Variants in FRG1 observed in about 807,000 individuals in gnomAD.
The protein encoded by FRG1 is protein FRG1.
A neutral mutation model predicts 37.0 loss-of-function variants in FRG1; 19 were observed. The ratio of observed to expected loss-of-function variants is 0.51; its 90% CI spans 0.36 to 0.75. FRG1 has a LOEUF of 0.75. Among genes scored for constraint, FRG1 ranks in the 30% least tolerant of loss-of-function variants. The pLI, the probability that FRG1 is intolerant of heterozygous loss-of-function variation, is 0.00. For synonymous variants in FRG1, 73 were observed against 96.5 expected (o/e 0.76, Z 1.43); for missense variants, 243 against 301.4 (o/e 0.81, Z 1.44).
intron 2 of FRG1, among the ~76,000 whole-genome samples, chr4:189,950,807 T>G (rs1736720967): frequency 1.3e-5 from 2 of 152,160 alleles, no homozygotes; most frequent in South Asian, 4.1e-4. Context: ...CCACACACAT[T>G]TTTTCTTAGA....
intron 2 of FRG1, among the ~76,000 whole-genome samples, chr4:189,947,252 T>C (rs28429800): frequency 0.089 from 13,611 of 152,256 alleles, 1,933 homozygotes; most frequent in African/African-American, 0.3. Context: ...TTGATAGTTA[T>C]GTTAAAATCT....
At position 189,940,941 on chromosome 4, in the gene FRG1, G is replaced by T; in HGVS notation, c.-69G>T. 3 of 1,292,196 alleles carry T rather than the reference G, an allele frequency of 2.3e-6. No individual in the cohort carries two copies. The highest frequency in any genetic ancestry group is 3.3e-6 in the Non-Finnish European group (3 of 896,592). The allele number at this position is 1,292,196 out of a possible 1,614,324, so 80.0% of individuals were successfully genotyped here. A position where few individuals can be genotyped will look rare whatever the true frequency, so the allele number is the denominator to read the frequency against. ...TCCGCTTCTGTTTCTCCGCGCCCCT[G>T]TGCTGCCCCGACTCACATACTCGTC... On this transcript the variant is annotated 5_prime_UTR_variant, in exon 1 of 9. Transcript: ENST00000226798.
At chr4:189,952,057 AC>A (rs1429112236) in intron 2 of FRG1, 104 bp from the exon 3 acceptor site, 2 of 770,588 alleles carry the variant, frequency 2.6e-6, no homozygotes. Context: ...ATTATTTCTT[AC>A]AACTGCAAAA....
chr4:189,941,846 A>G (rs1349336804), intron 1 of FRG1: 2 of 442,564 alleles, frequency 4.5e-6, no homozygotes, highest in Admixed American at 2.5e-5. Flanking sequence ...TGCCCGAGGT[A>G]CATACAAATG....
Position 189,940,934 on chromosome 4 carries a change from C to A in FRG1, c.-76C>A, listed in dbSNP as rs903159987. ...TTTCGCGTCCGCTTCTGTTTCTCCG[C>A]GCCCCTGTGCTGCCCCGACTCACAT... On this transcript the variant is annotated 5_prime_UTR_variant, in exon 1 of 9. Coordinates refer to ENST00000226798, the MANE Select transcript of FRG1 (RefSeq NM_004477.3). The A allele has an allele frequency of 9.5e-6, 11 of 1,155,554 alleles. No homozygotes were observed. Among genetic ancestry groups the A allele is most frequent in the South Asian group, 3.9e-5 (3 of 77,394 alleles). The allele number at this position is 1,155,554 out of a possible 1,614,324, so 71.6% of individuals were successfully genotyped here. A position where few individuals can be genotyped will look rare whatever the true frequency, so the allele number is the denominator to read the frequency against.
At chr4:189,952,820 C>G (rs561243014) in intron 3 of FRG1, among the ~76,000 whole-genome samples, 12 of 152,312 alleles carry the variant, frequency 7.9e-5, no homozygotes, top group Admixed American at 7.2e-4. Context: ...TAAAGAGAAG[C>G]TATCTCAAAA....
intron 2 of FRG1, among the ~76,000 whole-genome samples, chr4:189,944,162 T>C (rs1364974760): frequency 6.6e-6 from 1 of 152,174 alleles, no homozygotes; most frequent in Non-Finnish European, 1.5e-5. Flanking sequence ...TTCAGTTTCT[T>C]AATGGTGGTT....
At chr4:189,951,465 G>A (rs1736748641) in intron 2 of FRG1, among the ~76,000 whole-genome samples, 2 of 149,454 alleles carry the variant, frequency 1.3e-5, no homozygotes, top group African/African-American at 5.0e-5. Flanking sequence ...ACTCCAGCCT[G>A]GGCGACAGAG....
chr4:189,945,332 C>A (rs1489386938), intron 2 of FRG1, among the ~76,000 whole-genome samples: 5 of 152,196 alleles, frequency 3.3e-5, no homozygotes, highest in Non-Finnish European at 7.4e-5. Flanking sequence ...GCATTGCTCT[C>A]AAGCTTAGGC....
At chr4:189,961,096 G>A (rs115155325) in intron 7 of FRG1, 18 of 385,398 alleles carry the variant, frequency 4.7e-5, no homozygotes, top group East Asian at 2.1e-4. Flanking sequence ...AAGAAGAGAC[G>A]ACACAATGTA....
intron 5 of FRG1, among the ~76,000 whole-genome samples, chr4:189,956,190 C>T (rs1279069398): frequency 6.6e-6 from 1 of 152,120 alleles, no homozygotes; most frequent in African/African-American, 2.4e-5. Flanking sequence ...TCTTTTACCC[C>T]TTCCTCTGTG....
rs4145515 is a variant in FRG1 at position 189,941,000 on chromosome 4, T to A, written c.-10T>A. On this transcript the variant is annotated 5_prime_UTR_variant, in exon 1 of 9. Transcript: ENST00000226798. The stretch of plus-strand genomic sequence containing the variant: ...GCCTCAGCCTCTCCGCGCAGAAGTT[T>A]CCCGGAGCCATGGCCGAGTACTCCT... 9.9e-6 allele frequency: 16 copies of A among 1,611,726 alleles called. No homozygotes were observed. Among genetic ancestry groups the A allele is most frequent in the South Asian group, 9.9e-5 (9 of 90,992 alleles).
intron 2 of FRG1, among the ~76,000 whole-genome samples, chr4:189,943,644 A>T (rs1736411505): frequency 6.6e-6 from 1 of 152,212 alleles, no homozygotes; most frequent in Non-Finnish European, 1.5e-5. Context: ...CTCTTAAAGG[A>T]AGTATCTTCA....
At chr4:189,951,333 CA>C in intron 2 of FRG1, among the ~76,000 whole-genome samples, 2 of 151,434 alleles carry the variant, frequency 1.3e-5, no homozygotes, top group South Asian at 4.2e-4. Context: ...ACTAAAAATA[CA>C]AAAAAAATTA....
chr4:189,953,894 C>CA (rs369780129), intron 4 of FRG1, among the ~76,000 whole-genome samples: 2 of 151,358 alleles, frequency 1.3e-5, no homozygotes, highest in Non-Finnish European at 3.0e-5. Flanking sequence ...CAATTATAAA[C>CA]AAAAAAGGAT....
intron 5 of FRG1, among the ~76,000 whole-genome samples, chr4:189,956,421 G>A (rs201537387): frequency 5.3e-5 from 8 of 152,146 alleles, no homozygotes; most frequent in East Asian, 1.9e-4. Flanking sequence ...AGGAAAGTTC[G>A]TTTCATTTTA....
chr4:189,944,497 G>A (rs1160700250), intron 2 of FRG1, among the ~76,000 whole-genome samples: 1 of 151,956 alleles, frequency 6.6e-6, no homozygotes, highest in Admixed American at 6.6e-5. Context: ...CCCAAAGTCA[G>A]GAAAATATTC....
At chr4:189,956,341 C>T (rs1044073213) in intron 5 of FRG1, among the ~76,000 whole-genome samples, 2 of 151,946 alleles carry the variant, frequency 1.3e-5, no homozygotes, top group African/African-American at 2.4e-5. Flanking sequence ...AAAGTTACAC[C>T]GGTAGAAAAG....
Position 189,963,104 on chromosome 4 carries a change from T to C in FRG1, c.752T>C (p.Leu251Ser). The C allele has an allele frequency of 1.9e-6, 3 of 1,611,746 alleles. No individual in the cohort carries two copies. In the South Asian group the frequency reaches 3.3e-5, roughly 18 times the overall value. ...CTTTGTTTAAACAGGAGAGCCAAATTGAAAGCCGACAGATACTGCAAGTGA... is the reference window on the plus strand; with the variant it reads ...CTTTGTTTAAACAGGAGAGCCAAATCGAAAGCCGACAGATACTGCAAGTGA... ...HETLLDRRAK[L>S]KADRYCK Residue 251 changes from leucine to serine, a missense_variant, in exon 9 of 9, where the codon TTG becomes TCG. Coordinates refer to ENST00000226798, the MANE Select transcript of FRG1 (RefSeq NM_004477.3).
Sources: gnomAD v4.1 joint callset for allele counts (sites outside exome capture counted in the v4.1 genomes callset) on GRCh38, gnomAD v4.1.1 for gene constraint, MANE v1.5 for transcripts, NCBI Gene and HGNC (gene_info 2026-07-23, HGNC 2026-07-21) for gene names.